The following TAOK1 variants were observed in gnomAD, a reference collection of about 807,000 sequenced individuals.
The protein encoded by TAOK1 is TAO kinase 1.
Under a neutral mutation model 138.3 loss-of-function variants are expected in TAOK1, and 21 were observed. That is an observed-to-expected ratio of 0.15 (90% CI 0.11 to 0.22). TAOK1 has a LOEUF of 0.22. Among genes scored for constraint, TAOK1 ranks in the 10% least tolerant of loss-of-function variants. The pLI, the probability that TAOK1 is intolerant of heterozygous loss-of-function variation, is 1.00. For missense variants in TAOK1, 651 were observed against 1,227.7 expected (o/e 0.53, Z 7.02); for synonymous variants, 361 against 398.4 (o/e 0.91, Z 1.12).
intron 2 of TAOK1, among the ~76,000 whole-genome samples, chr17:29,454,479 CA>C (rs1261098814): frequency 6.6e-6 from 1 of 150,770 alleles, no homozygotes; most frequent in Admixed American, 6.6e-5. Flanking sequence ...TTTATTTCTG[CA>C]AAAAAAGACT....
At chr17:29,467,904 A>G (rs1002129038) in intron 3 of TAOK1, among the ~76,000 whole-genome samples, 4 of 151,192 alleles carry the variant, frequency 2.6e-5, no homozygotes, top group Non-Finnish European at 4.4e-5. Context: ...GCTCACTGCA[A>G]CCTTCGCCAC....
intron 3 of TAOK1, among the ~76,000 whole-genome samples, chr17:29,472,923 C>T (rs1429928555): frequency 1.3e-5 from 2 of 152,158 alleles, no homozygotes; most frequent in African/African-American, 4.8e-5. Context: ...ATTCCTTGAT[C>T]CATGGGCTGC....
In TAOK1 at chr17:29,551,823, T is replaced by C. The variant is rs1007550515; in HGVS notation, c.*8801T>C. ...AGCGAAAACAAGGTCATATGTAATATTTTGTTTGTAAGTATCCTTTGTATC... is the reference window on the plus strand; with the variant it reads ...AGCGAAAACAAGGTCATATGTAATACTTTGTTTGTAAGTATCCTTTGTATC... On this transcript the variant is annotated 3_prime_UTR_variant, in exon 20 of 20. Coordinates refer to ENST00000261716, the MANE Select transcript of TAOK1 (RefSeq NM_020791.4). 6.6e-5 allele frequency: 10 copies of C among 152,666 alleles called. No individual in the cohort carries two copies. The highest frequency in any genetic ancestry group is 1.5e-4 in the Non-Finnish European group (10 of 68,042). The allele number at this position is 152,666 out of a possible 1,614,324, so 9.5% of individuals were successfully genotyped here.
intron 1 of TAOK1, among the ~76,000 whole-genome samples, chr17:29,419,259 T>G (rs988088594): frequency 6.6e-6 from 1 of 152,068 alleles, no homozygotes; most frequent in African/African-American, 2.4e-5. Context: ...TGCAATGGCA[T>G]GCTCTCGGCT....
chr17:29,544,288 A>T lies in TAOK1; in HGVS notation c.*1266A>T, dbSNP rs573587123. The T allele has an allele frequency of 2.0e-5, 3 of 152,668 alleles. No homozygotes were observed. In the East Asian group the frequency reaches 5.8e-4, roughly 29 times the overall value. The allele number at this position is 152,668 out of a possible 1,614,324, so 9.5% of individuals were successfully genotyped here. On this transcript the variant is annotated 3_prime_UTR_variant, in exon 20 of 20. Transcript: ENST00000261716. The stretch of plus-strand genomic sequence containing the variant: ...TGACTAATCTTCATCACCACTGTAG[A>T]TTTTGCTGCATGTGCAGGTCCTCTA...
chr17:29,447,643 T>A (rs1282451946), intron 1 of TAOK1, among the ~76,000 whole-genome samples: 1 of 150,442 alleles, frequency 6.6e-6, no homozygotes, highest in Non-Finnish European at 1.5e-5. Flanking sequence ...CCGGCCTTTT[T>A]ATTTTATTTT....
At position 29,526,718 on chromosome 17, in the gene TAOK1, A is replaced by G. The variant is rs1333616138; in HGVS notation, c.2149-3689A>G. On this transcript the variant is annotated intron_variant, in intron 17 of 19. Coordinates refer to ENST00000261716, the MANE Select transcript of TAOK1 (RefSeq NM_020791.4). ...CGTGAGCCACCACACCCAGCCTAAG[A>G]ATGGTATTTTAAAATGGTGCTACTC... is the stretch of plus-strand genomic sequence containing the variant. 2.0e-5 allele frequency among the ~76,000 whole-genome samples: 3 copies of G among 150,344 alleles called. No individual in the cohort carries two copies. The Admixed American group carries it at 2.0e-4, about 10-fold the overall frequency.
intron 17 of TAOK1, among the ~76,000 whole-genome samples, chr17:29,526,702 CCA>C (rs2032015433): frequency 6.6e-6 from 1 of 151,872 alleles, no homozygotes; most frequent in Non-Finnish European, 1.5e-5. Flanking sequence ...GCGTGAGCCA[CCA>C]CACCCAGCCT....
chr17:29,493,222 C>T (rs574023065), intron 10 of TAOK1, among the ~76,000 whole-genome samples: 62 of 151,890 alleles, frequency 4.1e-4, no homozygotes, highest in African/African-American at 1.4e-3. Context: ...TGGCCGGGCG[C>T]GGTGGCTCAC....
intron 1 of TAOK1, among the ~76,000 whole-genome samples, chr17:29,447,835 T>G (rs1019584645): frequency 2.0e-5 from 3 of 151,414 alleles, no homozygotes; most frequent in African/African-American, 7.3e-5. Context: ...TTTTGTATTT[T>G]TAGTAGAGAC....
At chr17:29,522,579 C>T in intron 17 of TAOK1, 60 bp downstream of exon 17, 1 of 1,590,984 alleles carries the variant, frequency 6.3e-7, no homozygotes, top group East Asian at 2.2e-5. Flanking sequence ...TCCATGTAAG[C>T]AGGAAAAGTC....
At chr17:29,419,694 G>A in intron 1 of TAOK1, among the ~76,000 whole-genome samples, 1 of 151,310 alleles carries the variant, frequency 6.6e-6, no homozygotes, top group Non-Finnish European at 1.5e-5. Flanking sequence ...AGGTCTTGCT[G>A]TGTTACCCAG....
chr17:29,441,852 C>T (rs932936375), intron 1 of TAOK1, among the ~76,000 whole-genome samples: 7 of 151,536 alleles, frequency 4.6e-5, no homozygotes, highest in Non-Finnish European at 8.8e-5. Flanking sequence ...GTGCCAAGGT[C>T]GCCGCCTCTG....
intron 1 of TAOK1, among the ~76,000 whole-genome samples, chr17:29,393,149 C>T (rs1349968197): frequency 6.6e-6 from 1 of 152,050 alleles, no homozygotes; most frequent in Non-Finnish European, 1.5e-5. Flanking sequence ...GCAAATTATG[C>T]CAGGAAGTCT....
chr17:29,435,269 C>T (rs1296598624), intron 1 of TAOK1, among the ~76,000 whole-genome samples: 1 of 152,174 alleles, frequency 6.6e-6, no homozygotes. Context: ...AACTTAAAAA[C>T]AACCAATGAG....
Position 29,550,368 on chromosome 17 carries a change from T to G in TAOK1, c.*7346T>G, listed in dbSNP as rs542115253. ...TTAGAGTTTTTTTAATTAACACTTGTGTTGCTAAATTCTATTTATGTAAGT... is the reference window on the plus strand; with the variant it reads ...TTAGAGTTTTTTTAATTAACACTTGGGTTGCTAAATTCTATTTATGTAAGT... On this transcript the variant is annotated 3_prime_UTR_variant, in exon 20 of 20. Transcript: ENST00000261716. 6.6e-6 allele frequency: 1 copy of G among 152,242 alleles called. No individual in the cohort carries two copies. Among genetic ancestry groups the G allele is most frequent in the African/African-American group, 2.4e-5 (1 of 41,468 alleles). 9.4% of individuals were successfully genotyped at this position (152,242 alleles called of 1,614,324 possible). A position where few individuals can be genotyped will look rare whatever the true frequency, so the allele number is the denominator to read the frequency against.
intron 1 of TAOK1, among the ~76,000 whole-genome samples, chr17:29,450,224 C>G (rs1306204048): frequency 6.6e-6 from 1 of 152,028 alleles, no homozygotes; most frequent in East Asian, 1.9e-4. Flanking sequence ...GTAGCTAGGA[C>G]TATAGGAGCA....
chr17:29,501,104 G>T (rs1436753646), intron 12 of TAOK1, among the ~76,000 whole-genome samples: 2 of 151,792 alleles, frequency 1.3e-5, no homozygotes, highest in African/African-American at 2.4e-5. Context: ...GTTAAAATGG[G>T]CTGGGCACTG....
At chr17:29,430,015 G>GA (rs1407994027) in intron 1 of TAOK1, among the ~76,000 whole-genome samples, 1 of 152,036 alleles carries the variant, frequency 6.6e-6, no homozygotes, top group Admixed American at 6.6e-5. Flanking sequence ...TGAATTTTGG[G>GA]AAAAATCACA....
Sources: allele counts gnomAD v4.1 joint callset (sites outside exome capture counted in the v4.1 genomes callset), GRCh38; gene constraint gnomAD v4.1.1; transcripts MANE v1.5; gene names NCBI Gene and HGNC (gene_info 2026-07-23, HGNC 2026-07-21).